Variants in COPG2 observed in about 807,000 individuals in gnomAD.
COPG2 encodes the protein coat protein complex I subunit gamma 2.
COPG2 carries 37 observed loss-of-function variants against 46.3 expected under a neutral mutation model. That is an observed-to-expected ratio of 0.80 (90% CI 0.61 to 1.05). COPG2 has a LOEUF of 1.05. COPG2 is among the 50% of genes least tolerant of loss of function. COPG2 has a pLI of 0.00. For missense variants in COPG2, 427 were observed against 387.8 expected (o/e 1.10, Z -0.85); for synonymous variants, 159 against 129.7 (o/e 1.23, Z -1.53).
chr7:130,523,421 T>C (rs1277076567), intron 20 of COPG2, among the ~76,000 whole-genome samples: 1 of 152,132 alleles, frequency 6.6e-6, no homozygotes, highest in African/African-American at 2.4e-5. Context: ...TAGGCCGCCT[T>C]GGGGTCCTGC....
intron 20 of COPG2, among the ~76,000 whole-genome samples, chr7:130,513,327 ATATATATATATATATG>A (rs1799636586): frequency 8.2e-5 from 5 of 61,084 alleles, no homozygotes; most frequent in African/African-American, 2.2e-4. Context: ...ATATATATAT[ATATATATATATATATG>A]TGTGTGTGTG....
At chr7:130,594,443 T>C (rs1041052819) in intron 9 of COPG2, among the ~76,000 whole-genome samples, 4 of 152,292 alleles carry the variant, frequency 2.6e-5, no homozygotes, top group African/African-American at 9.6e-5. Flanking sequence ...CTTTGTGACC[T>C]TGAATTAGGC....
intron 20 of COPG2, among the ~76,000 whole-genome samples, chr7:130,527,929 G>T (rs1212440513): frequency 6.6e-6 from 1 of 152,152 alleles, no homozygotes; most frequent in Non-Finnish European, 1.5e-5. Context: ...GTGAGGCCCA[G>T]AGAAGGGCCC....
chr7:130,509,309 T>C (rs782705717), intron 20 of COPG2: 2 of 511,544 alleles, frequency 3.9e-6, no homozygotes, highest in East Asian at 1.1e-4. Context: ...GAAATGGAGG[T>C]GGGGGTACAT....
At chr7:130,542,365 T>G (rs1015866439) in intron 20 of COPG2, among the ~76,000 whole-genome samples, 2 of 151,648 alleles carry the variant, frequency 1.3e-5, no homozygotes, top group Non-Finnish European at 2.9e-5. Flanking sequence ...GGCGAGACGA[T>G]GGAAGGCCAG....
chr7:130,564,091 T>C (rs1472920299), intron 10 of COPG2, among the ~76,000 whole-genome samples, 169 bp downstream of exon 10: 1 of 151,774 alleles, frequency 6.6e-6, no homozygotes, highest in Non-Finnish European at 1.5e-5. Context: ...AGTAATAAAG[T>C]AAGGAACAAC....
chr7:130,609,454 A>T (rs1016140365), intron 9 of COPG2, among the ~76,000 whole-genome samples: 16 of 152,202 alleles, frequency 1.1e-4, no homozygotes, highest in Middle Eastern at 3.4e-3. Flanking sequence ...TTCCACCATG[A>T]TTGTGAGGCT....
chr7:130,614,513 A>G (rs1794913228), intron 6 of COPG2, among the ~76,000 whole-genome samples: 1 of 152,166 alleles, frequency 6.6e-6, no homozygotes, highest in African/African-American at 2.4e-5. Flanking sequence ...TGCCTGGCCT[A>G]CCCTTCCTAC....
At chr7:130,616,734 T>C (rs544473646) in intron 6 of COPG2, among the ~76,000 whole-genome samples, 1 of 152,342 alleles carries the variant, frequency 6.6e-6, no homozygotes, top group East Asian at 1.9e-4. Context: ...AATGGGTTTT[T>C]GTTTCCTGCA....
chr7:130,554,890 T>C, intron 13 of COPG2, 147 bp downstream of exon 13: 1 of 397,664 alleles, frequency 2.5e-6, no homozygotes, highest in Non-Finnish European at 4.4e-6. Context: ...CAATGGCATG[T>C]TTAGTAATAA....
chr7:130,649,856 C>A (rs1584609367), intron 5 of COPG2, among the ~76,000 whole-genome samples: 1 of 152,138 alleles, frequency 6.6e-6, no homozygotes, highest in Non-Finnish European at 1.5e-5. Context: ...CTTCCAGGTA[C>A]CAAAATCTGC....
chr7:130,629,680 G>C (rs1162895919), intron 5 of COPG2, among the ~76,000 whole-genome samples: 1 of 152,030 alleles, frequency 6.6e-6, no homozygotes, highest in Non-Finnish European at 1.5e-5. Context: ...ACAAGTTTGC[G>C]CCACCACGCC....
At chr7:130,576,575 G>C (rs1248833819) in intron 9 of COPG2, among the ~76,000 whole-genome samples, 1 of 152,176 alleles carries the variant, frequency 6.6e-6, no homozygotes, top group Non-Finnish European at 1.5e-5. Flanking sequence ...AGTGCTAAGA[G>C]GAAAGTTCAT....
intron 5 of COPG2, among the ~76,000 whole-genome samples, chr7:130,634,206 C>G (rs1206525211): frequency 6.6e-6 from 1 of 152,024 alleles, no homozygotes; most frequent in East Asian, 1.9e-4. Flanking sequence ...TATGTGGGAT[C>G]TTTTTTGGTT....
At chr7:130,590,156 A>G (rs556459500) in intron 9 of COPG2, among the ~76,000 whole-genome samples, 52 of 151,878 alleles carry the variant, frequency 3.4e-4, no homozygotes, top group Non-Finnish European at 7.2e-4. Context: ...TAAGAGTCCA[A>G]ATTTCTCTAC....
At chr7:130,541,399 G>C (rs1195801919) in intron 20 of COPG2, among the ~76,000 whole-genome samples, 1 of 151,858 alleles carries the variant, frequency 6.6e-6, no homozygotes. Context: ...TTGAAGACAC[G>C]GGCCTTAAGG....
chr7:130,633,011 C>T (rs1795260288), intron 5 of COPG2, among the ~76,000 whole-genome samples: 1 of 151,928 alleles, frequency 6.6e-6, no homozygotes, highest in Admixed American at 6.6e-5. Context: ...TTTCTGTTCC[C>T]GTGTTAGTTT....
rs190477434 is a variant in COPG2 at position 130,512,091 on chromosome 7, G to A, written c.2150-3432C>T. Among the ~76,000 whole-genome samples the A allele has an allele frequency of 1.3e-3, 191 of 150,436 alleles. No individual in the cohort carries two copies. In the East Asian group the frequency reaches 0.018, roughly 14 times the overall value. On this transcript the variant is annotated intron_variant, in intron 20 of 23. Coordinates refer to ENST00000425248, the MANE Select transcript of COPG2 (RefSeq NM_012133.6). ...AAAAAAAAAAAATACAAAATTAGCC[G>A]GGCGTGGTGGCCCATGCTTGTAATC...
intron 15 of COPG2, among the ~76,000 whole-genome samples, chr7:130,552,036 T>C (rs1793540385): frequency 6.6e-6 from 1 of 152,118 alleles, no homozygotes; most frequent in African/African-American, 2.4e-5. Flanking sequence ...TAAAACCCTA[T>C]GGAGAACTAA....
Sources: gnomAD v4.1 joint callset for allele counts (sites outside exome capture counted in the v4.1 genomes callset) on GRCh38, gnomAD v4.1.1 for gene constraint, MANE v1.5 for transcripts, NCBI Gene and HGNC (gene_info 2026-07-23, HGNC 2026-07-21) for gene names.